The following KALRN variants were observed in gnomAD, a reference collection of about 807,000 sequenced individuals.
The protein encoded by KALRN is kalirin RhoGEF kinase.
In KALRN, 70 loss-of-function variants were observed where a neutral mutation model predicts 353.7. The observed-to-expected ratio is 0.20, with a 90% CI of 0.16 to 0.24. The LOEUF is 0.24. KALRN is among the 10% of genes least tolerant of loss of function. The pLI is 1.00. For missense variants in KALRN, 2,791 were observed against 3,756.7 expected (o/e 0.74, Z 6.72); for synonymous variants, 1,391 against 1,434.8 (o/e 0.97, Z 0.69).
At chr3:124,579,887 C>T (rs533892342) in intron 34 of KALRN, among the ~76,000 whole-genome samples, 1 of 152,282 alleles carries the variant, frequency 6.6e-6, no homozygotes, top group South Asian at 2.1e-4. Flanking sequence ...TGCCTGGCCA[C>T]ACCCAGGTCA....
intron 25 of KALRN, among the ~76,000 whole-genome samples, chr3:124,471,883 C>T (rs914211388): frequency 2.7e-5 from 4 of 147,558 alleles, no homozygotes; most frequent in African/African-American, 1.0e-4. Context: ...AGGAGAATGG[C>T]GTGAACCTGG....
intron 33 of KALRN, among the ~76,000 whole-genome samples, chr3:124,533,324 T>C (rs1403218407): frequency 6.6e-6 from 1 of 152,192 alleles, no homozygotes; most frequent in Non-Finnish European, 1.5e-5. Context: ...TTCTCTCTCA[T>C]TTATTTATCC....
chr3:124,346,467 T>C (rs2082271227), intron 9 of KALRN, among the ~76,000 whole-genome samples: 1 of 152,196 alleles, frequency 6.6e-6, no homozygotes, highest in African/African-American at 2.4e-5. Flanking sequence ...TCTCCACTGC[T>C]TCCCAAGAGA....
At chr3:124,200,961 C>G (rs1209420225) in intron 1 of KALRN, among the ~76,000 whole-genome samples, 1 of 152,152 alleles carries the variant, frequency 6.6e-6, no homozygotes, top group African/African-American at 2.4e-5. Flanking sequence ...CCCAGCTTCC[C>G]TTGGCACTAA....
rs1553768460 is a variant in KALRN at position 124,110,467 on chromosome 3, G to GCA, written c.73+76655_73+76656insAC. Reference sequence around the variant, plus strand: ...GTATATATTTCATATATACACACGCGCGCACACACACACACACACACACAC... The same window carrying GCA: ...GTATATATTTCATATATACACACGCGCACGCACACACACACACACACACACAC... On this transcript the variant is annotated intron_variant, in intron 1 of 59. Coordinates refer to ENST00000682506, the MANE Select transcript of KALRN (RefSeq NM_001388419.1). Among the ~76,000 whole-genome samples, 164 of 54,248 alleles carry GCA rather than the reference G, an allele frequency of 3.0e-3. 1 individual carries two copies. Among genetic ancestry groups the GCA allele is most frequent in the Middle Eastern group, 9.4e-3 (1 of 106 alleles). The allele number at this position is 54,248 out of a possible 152,430, so 35.6% of individuals were successfully genotyped here. A position where few individuals can be genotyped will look rare whatever the true frequency, so the allele number is the denominator to read the frequency against.
chr3:124,274,480 C>T (rs762483985), intron 5 of KALRN, among the ~76,000 whole-genome samples: 1 of 152,226 alleles, frequency 6.6e-6, no homozygotes, highest in African/African-American at 2.4e-5. Flanking sequence ...GATGTCTACC[C>T]AGGAGGCCCA....
intron 34 of KALRN, among the ~76,000 whole-genome samples, chr3:124,619,566 C>G (rs1483883093): frequency 6.9e-6 from 1 of 145,332 alleles, no homozygotes; most frequent in African/African-American, 2.5e-5. Flanking sequence ...TGGCTCACTG[C>G]AACCCCGCCT....
At chr3:124,591,325 A>G (rs2149359850) in intron 34 of KALRN, among the ~76,000 whole-genome samples, 1 of 151,722 alleles carries the variant, frequency 6.6e-6, no homozygotes, top group East Asian at 1.9e-4. Context: ...TTTTTTTGAG[A>G]CAAGGCCTCA....
chr3:124,242,456 G>C (rs142223752), intron 3 of KALRN, among the ~76,000 whole-genome samples: 1 of 152,338 alleles, frequency 6.6e-6, no homozygotes, highest in East Asian at 1.9e-4. Flanking sequence ...GTGAAGAGAT[G>C]AGGAGGCCAA....
intron 34 of KALRN, among the ~76,000 whole-genome samples, chr3:124,573,152 G>C (rs2073735117): frequency 6.6e-6 from 1 of 152,130 alleles, no homozygotes; most frequent in Non-Finnish European, 1.5e-5. Flanking sequence ...TCATACACCT[G>C]TGGTCCTAGC....
rs527250089 is a variant in KALRN at position 124,142,917 on chromosome 3, T to G, written c.74-85073T>G. 3.3e-5 allele frequency among the ~76,000 whole-genome samples: 5 copies of G among 152,204 alleles called. 1 individual carries two copies. Among genetic ancestry groups the G allele is most frequent in the Non-Finnish European group, 7.4e-5 (5 of 68,014 alleles). On this transcript the variant is annotated intron_variant, in intron 1 of 59. Transcript: ENST00000682506. ...TAAGGTAGTGTGTCAGGGGATGCTA[T>G]CACCCCACAAATGCCTCTGAACCCC...
chr3:124,217,254 G>A (rs148070546), intron 1 of KALRN, among the ~76,000 whole-genome samples: 291 of 152,282 alleles, frequency 1.9e-3, no homozygotes, highest in African/African-American at 6.6e-3. Context: ...ACATATAGGT[G>A]CTCAATAAAT....
At chr3:124,644,889 G>A (rs2150025091) in intron 37 of KALRN, among the ~76,000 whole-genome samples, 1 of 152,286 alleles carries the variant, frequency 6.6e-6, no homozygotes, top group Non-Finnish European at 1.5e-5. Flanking sequence ...CTAGATCCTT[G>A]AGGAATCACC....
chr3:124,128,015 T>C (rs1257860119), intron 1 of KALRN, among the ~76,000 whole-genome samples: 16 of 152,210 alleles, frequency 1.1e-4, no homozygotes, highest in Admixed American at 1.0e-3. Flanking sequence ...CCTTAAGAAT[T>C]TATGTCCTTG....
chr3:124,609,228 T>A (rs533794478), intron 34 of KALRN, among the ~76,000 whole-genome samples: 9 of 152,324 alleles, frequency 5.9e-5, no homozygotes, highest in Admixed American at 2.0e-4. Context: ...AATGCTTATA[T>A]ATTACTTTTG....
intron 34 of KALRN, among the ~76,000 whole-genome samples, chr3:124,580,524 T>G (rs749543168): frequency 2.6e-5 from 4 of 152,200 alleles, no homozygotes; most frequent in Non-Finnish European, 5.9e-5. Flanking sequence ...CCCTTCTAAA[T>G]TGTCTTGAGA....
intron 1 of KALRN, among the ~76,000 whole-genome samples, chr3:124,047,711 G>A (rs917574352): frequency 9.4e-5 from 14 of 149,202 alleles, no homozygotes; most frequent in Non-Finnish European, 1.8e-4. Flanking sequence ...CACAGTGTTC[G>A]CCAGGATGGT....
intron 3 of KALRN, among the ~76,000 whole-genome samples, chr3:124,235,147 G>C (rs2079600006): frequency 6.6e-6 from 1 of 152,150 alleles, no homozygotes; most frequent in African/African-American, 2.4e-5. Flanking sequence ...GTGGGAGCTG[G>C]AAGTGGCAAC....
intron 11 of KALRN, among the ~76,000 whole-genome samples, chr3:124,392,987 A>C (rs569380218): frequency 3.2e-5 from 4 of 126,280 alleles, no homozygotes; most frequent in South Asian, 2.6e-4. Flanking sequence ...CCTTCCGGAG[A>C]CAGAGTCTTG....
Sources: gnomAD v4.1 joint callset for allele counts (sites outside exome capture counted in the v4.1 genomes callset) on GRCh38, gnomAD v4.1.1 for gene constraint, MANE v1.5 for transcripts, NCBI Gene and HGNC (gene_info 2026-07-23, HGNC 2026-07-21) for gene names.